The following CTNNAL1 variants were observed in gnomAD, a reference collection of about 807,000 sequenced individuals.
CTNNAL1 encodes alpha-catulin.
Under a neutral mutation model 93.6 loss-of-function variants are expected in CTNNAL1, and 69 were observed. The observed-to-expected ratio is 0.74, with a 90% CI of 0.61 to 0.90. The LOEUF is 0.90. Among genes scored for constraint, CTNNAL1 ranks in the 40% least tolerant of loss-of-function variants. The pLI is 0.00. For synonymous variants in CTNNAL1, 286 were observed against 305.4 expected (o/e 0.94, Z 0.66); for missense variants, 836 against 862.0 (o/e 0.97, Z 0.38).
rs1445130190 is a variant in CTNNAL1 at position 108,992,775 on chromosome 9, G to C, written c.376C>G (p.Leu126Val). 1.9e-6 allele frequency: 3 copies of C among 1,613,636 alleles called. No individual in the cohort carries two copies. In the Admixed American group the frequency reaches 5.0e-5, roughly 27 times the overall value. Residue 126 changes from leucine to valine, a missense_variant, in exon 3 of 19, where the codon CTG becomes GTG. By Grantham distance (32) the Leu-to-Val change is conservative. Transcript: ENST00000325551. ...ALTDITNLNH[L>V]ESDGQITIFT... ...ATTGTGATCTGCCCATCAGATTCCAGATGGTTCAAGTTGGTTATGTCTGTA... is the reference window on the plus strand; with the variant it reads ...ATTGTGATCTGCCCATCAGATTCCACATGGTTCAAGTTGGTTATGTCTGTA...
intron 14 of CTNNAL1, 102 bp from the exon 15 acceptor site, chr9:108,948,336 A>G (rs1300489581): frequency 6.3e-6 from 7 of 1,108,688 alleles, no homozygotes; most frequent in African/African-American, 1.6e-5. Context: ...AACAAATCCT[A>G]AATTTTGAAG....
intron 15 of CTNNAL1, 21 bp from the exon 16 acceptor site, chr9:108,944,039 C>T: frequency 1.9e-6 from 3 of 1,608,380 alleles, no homozygotes; most frequent in Non-Finnish European, 2.6e-6. Flanking sequence ...GAGAAAACAC[C>T]ACTATTTTAG....
At chr9:109,007,240 A>G (rs10979653) in intron 1 of CTNNAL1, among the ~76,000 whole-genome samples, 1 of 152,086 alleles carries the variant, frequency 6.6e-6, no homozygotes, top group African/African-American at 2.4e-5. Flanking sequence ...ATCACAAAAA[A>G]GAAAAAAAAG....
In CTNNAL1 at chr9:108,952,363, C is replaced by T; in HGVS notation, c.1681G>A (p.Glu561Lys). The stretch of plus-strand genomic sequence containing the variant: ...CCAAGCTTTGCTATCTTGGCTTGCT[C>T]CTATGAAACAGACGTTTTAATCACA... ...SLKPDKPDSE[E>K]QAKIAKLGLK... The change falls in exon 14 of 19, where the codon GAG becomes AAG. Residue 561 changes from glutamate (E) to lysine (K), a missense_variant and splice_region_variant. Physicochemically the swap from Glu to Lys is moderately conservative, Grantham distance 56. Coordinates refer to ENST00000325551, the MANE Select transcript of CTNNAL1 (RefSeq NM_003798.4). The T allele has an allele frequency of 6.2e-7, 1 of 1,614,106 alleles. No individual in the cohort carries two copies. Among genetic ancestry groups the T allele is most frequent in the Non-Finnish European group, 8.5e-7 (1 of 1,180,030 alleles).
chr9:108,972,864 G>GGGGGGGGGGCGCCCCCC, intron 8 of CTNNAL1, 31 bp from the exon 9 acceptor site: 1 of 142,574 alleles, frequency 7.0e-6, no homozygotes, highest in Non-Finnish European at 1.0e-5. Context: ...GGGGGGGTGG[G>GGGGGGGGGGCGCCCCCC]AGGGTGGAGA....
In CTNNAL1 at chr9:108,977,060, A is replaced by G. The variant is rs12341672; in HGVS notation, c.1102-12T>C. The G allele has an allele frequency of 2.2e-6, 3 of 1,376,272 alleles. No homozygotes were observed. Among genetic ancestry groups the G allele is most frequent in the Non-Finnish European group, 3.0e-6 (3 of 1,012,172 alleles). The allele number at this position is 1,376,272 out of a possible 1,614,324, so 85.3% of individuals were successfully genotyped here. On this transcript the variant is annotated splice_polypyrimidine_tract_variant and intron_variant, in intron 7 of 18. Coordinates refer to ENST00000325551, the MANE Select transcript of CTNNAL1 (RefSeq NM_003798.4). The stretch of plus-strand genomic sequence containing the variant: ...GTTTTCTTGCTTTGCTAAAAATTTT[A>G]AAAAGTATACATGTAATGTTACCGC...
chr9:108,991,025 G>A (rs1476751440), intron 3 of CTNNAL1, among the ~76,000 whole-genome samples, 180 bp from the exon 4 acceptor site: 1 of 152,194 alleles, frequency 6.6e-6, no homozygotes, highest in Non-Finnish European at 1.5e-5. Flanking sequence ...TCAAGGCACA[G>A]AATTATTAGG....
At chr9:108,964,075 A>C (rs113848890) in intron 11 of CTNNAL1, among the ~76,000 whole-genome samples, 14 of 152,222 alleles carry the variant, frequency 9.2e-5, no homozygotes, top group African/African-American at 3.4e-4. Context: ...TCTTTTTAAA[A>C]GTGGATCAAT....
intron 6 of CTNNAL1, among the ~76,000 whole-genome samples, chr9:108,980,806 T>C (rs1430530784): frequency 3.3e-5 from 5 of 152,230 alleles, no homozygotes; most frequent in South Asian, 2.1e-4. Context: ...CCATTTATGT[T>C]AAGGTTTTTT....
At chr9:108,975,056 G>A (rs1209507204) in intron 8 of CTNNAL1, among the ~76,000 whole-genome samples, 6 of 152,154 alleles carry the variant, frequency 3.9e-5, no homozygotes, top group East Asian at 1.9e-4. Context: ...CCAGCTACTC[G>A]GGAGGCTGAG....
rs778508560 is a variant in CTNNAL1, at chr9:108,979,265, T to TA, written c.1101+15dup. The TA allele has an allele frequency of 2.5e-6, 4 of 1,613,500 alleles. No homozygotes were observed. The African/African-American group carries it at 5.3e-5, about 22-fold the overall frequency. On this transcript the variant is annotated intron_variant, in intron 7 of 18. Coordinates refer to ENST00000325551, the MANE Select transcript of CTNNAL1 (RefSeq NM_003798.4). The stretch of plus-strand genomic sequence containing the variant: ...CATTATATAAGATTTACTTTGATTT[T>TA]AAAAAAAGTTCTTACAGCTTGAATC...
chr9:108,990,770 T>C lies in CTNNAL1; in HGVS notation c.595A>G (p.Asn199Asp), dbSNP rs144619292. ...EFVQIFSQFG[N>D]EMVEFAHLSG... ...AGATGTGCAAACTCCACCATTTCAT[T>C]TCCAAATTGACTGAATATTTGGACA... The change falls in exon 4 of 19, where the codon AAT becomes GAT. Residue 199 changes from asparagine (N) to aspartate (D), a missense_variant. Transcript: ENST00000325551. The C allele has an allele frequency of 4.3e-6, 7 of 1,613,686 alleles. No individual in the cohort carries two copies. The African/African-American group carries it at 8.0e-5, about 18-fold the overall frequency.
chr9:108,961,995 T>G (rs937195603), intron 11 of CTNNAL1, among the ~76,000 whole-genome samples: 6 of 152,208 alleles, frequency 3.9e-5, no homozygotes, highest in African/African-American at 2.4e-5. Flanking sequence ...TTCATTCTCA[T>G]TAGAAAACTT....
intron 12 of CTNNAL1, among the ~76,000 whole-genome samples, chr9:108,955,022 G>A (rs937345380): frequency 2.6e-5 from 4 of 151,648 alleles, no homozygotes; most frequent in African/African-American, 9.7e-5. Flanking sequence ...GAGTGCAGTG[G>A]CACGATCTTG....
intron 2 of CTNNAL1, among the ~76,000 whole-genome samples, chr9:108,996,635 A>G (rs950026186): frequency 2.6e-5 from 4 of 152,224 alleles, no homozygotes; most frequent in Non-Finnish European, 4.4e-5. Context: ...CAAGGAGCAC[A>G]GGACTCAGGT....
intron 1 of CTNNAL1, among the ~76,000 whole-genome samples, chr9:109,007,882 T>C (rs1378129917): frequency 6.6e-6 from 1 of 152,194 alleles, no homozygotes; most frequent in Non-Finnish European, 1.5e-5. Flanking sequence ...TCCTTTATTA[T>C]AACTATTGTA....
At chr9:108,972,339 G>A (rs565222137) in intron 9 of CTNNAL1, among the ~76,000 whole-genome samples, 1 of 152,126 alleles carries the variant, frequency 6.6e-6, no homozygotes, top group Admixed American at 6.5e-5. Flanking sequence ...TAATTTGAGT[G>A]TGTCATCTCC....
intron 2 of CTNNAL1, 79 bp from the exon 3 acceptor site, chr9:108,992,898 G>T: frequency 7.0e-7 from 1 of 1,419,562 alleles, no homozygotes; most frequent in Non-Finnish European, 9.4e-7. Context: ...TTGAAGGTAA[G>T]GCACAATGAG....
chr9:109,000,017 T>A (rs1826738983), intron 1 of CTNNAL1, among the ~76,000 whole-genome samples: 1 of 152,204 alleles, frequency 6.6e-6, no homozygotes, highest in African/African-American at 2.4e-5. Context: ...GTACATGTAC[T>A]AGTATTAAAA....
Sources: allele counts gnomAD v4.1 joint callset (sites outside exome capture counted in the v4.1 genomes callset), GRCh38; gene constraint gnomAD v4.1.1; transcripts MANE v1.5; gene names NCBI Gene and HGNC (gene_info 2026-07-23, HGNC 2026-07-21).